SMYD1: variants seen among roughly 807,000 people sequenced by gnomAD.
SMYD1 encodes the protein histone-lysine N-methyltransferase SMYD1.
SMYD1 carries 49 observed loss-of-function variants against 54.0 expected under a neutral mutation model. That is an observed-to-expected ratio of 0.91 (90% CI 0.72 to 1.15). SMYD1 has a LOEUF of 1.15. Ranked by LOEUF, SMYD1 falls within the 50% of genes most tolerant of loss-of-function variation. SMYD1 has a pLI of 0.00. For synonymous variants in SMYD1, 269 were observed against 234.2 expected, an observed-to-expected ratio of 1.15 and a Z score of -1.36; for missense variants, 653 against 639.6, an observed-to-expected ratio of 1.02 and a Z score of -0.23.
intron 8 of SMYD1, among the ~76,000 whole-genome samples, chr2:88,108,067 A>G (rs753901711): frequency 3.5e-4 from 54 of 152,204 alleles, no homozygotes; most frequent in Non-Finnish European, 6.3e-4. Flanking sequence ...AGCTGTTCCT[A>G]TTCGGCCATC....
chr2:88,099,962 C>T (rs1047645259), intron 6 of SMYD1, among the ~76,000 whole-genome samples: 1 of 150,726 alleles, frequency 6.6e-6, no homozygotes, highest in Non-Finnish European at 1.5e-5. Context: ...CCTCTGGCTC[C>T]TCCCCCTTTC....
rs10199049 is a variant in SMYD1 at position 88,102,736 on chromosome 2, T to C, written c.889-322T>C. On this transcript the variant is annotated intron_variant, in intron 6 of 9. Coordinates refer to ENST00000419482, the MANE Select transcript of SMYD1 (RefSeq NM_198274.4). ...GCAGCAAATATTTTGGGTGATAGAA[T>C]CCAAAATGCCAGAGAAAACACAATA... is the stretch of plus-strand genomic sequence containing the variant. Among the ~76,000 whole-genome samples, 1,031 of 152,278 alleles carry C rather than the reference T, an allele frequency of 6.8e-3. 12 individuals carry two copies. The highest frequency in any genetic ancestry group is 0.023 in the African/African-American group (956 of 41,554).
In SMYD1 at chr2:88,105,741, C is replaced by G. The variant is rs866157946; in HGVS notation, c.982-584C>G. Among the ~76,000 whole-genome samples the G allele has an allele frequency of 2.0e-5, 3 of 152,064 alleles. No homozygotes were observed. In the South Asian group the frequency reaches 6.2e-4, roughly 32 times the overall value. On this transcript the variant is annotated intron_variant, in intron 7 of 9. Transcript: ENST00000419482. Reference sequence around the variant, plus strand: ...TTGCCTGAGCTCAGGAGTTGGAGACCAGCCTGGGCAACATGGAGAAACCCT... The same window carrying G: ...TTGCCTGAGCTCAGGAGTTGGAGACGAGCCTGGGCAACATGGAGAAACCCT...
chr2:88,067,859 T>C lies in SMYD1; in HGVS notation c.-6T>C. On this transcript the variant is annotated 5_prime_UTR_variant, in exon 1 of 10. Transcript: ENST00000419482. Reference sequence around the variant, plus strand: ...TAACTGCCGCGCTGGCCTGACAGTCTCTGAGATGACAATAGGGAGAATGGA... The same window carrying C: ...TAACTGCCGCGCTGGCCTGACAGTCCCTGAGATGACAATAGGGAGAATGGA... 6.2e-7 allele frequency: 1 copy of C among 1,613,236 alleles called. No homozygotes were observed. Among genetic ancestry groups the C allele is most frequent in the Non-Finnish European group, 8.5e-7 (1 of 1,179,784 alleles).
At chr2:88,071,080 G>T (rs893147189) in intron 1 of SMYD1, among the ~76,000 whole-genome samples, 1 of 149,972 alleles carries the variant, frequency 6.7e-6, no homozygotes, top group Non-Finnish European at 1.5e-5. Flanking sequence ...TATGCCACTT[G>T]TTTCTTTCAA....
Position 88,109,870 on chromosome 2 carries a change from C to T in SMYD1, c.1315-484C>T, listed in dbSNP as rs563706737. Among the ~76,000 whole-genome samples, 222 of 152,268 alleles carry T rather than the reference C, an allele frequency of 1.5e-3. 1 individual carries two copies. Among genetic ancestry groups the T allele is most frequent in the Admixed American group, 4.2e-3 (65 of 15,298 alleles). ...CAGCTGTATCCTCGGCCTCTGAATG[C>T]CTGGCCCTTAAGAAGTATTTCTTGA... On this transcript the variant is annotated intron_variant, in intron 9 of 9. Coordinates refer to ENST00000419482, the MANE Select transcript of SMYD1 (RefSeq NM_198274.4).
At chr2:88,099,419 T>A (rs563397955) in intron 6 of SMYD1, among the ~76,000 whole-genome samples, 2 of 151,882 alleles carry the variant, frequency 1.3e-5, no homozygotes, top group African/African-American at 2.4e-5. Context: ...CCTTTACCCA[T>A]GGTTTTCAAA....
chr2:88,093,239 C>T (rs1442834028), intron 4 of SMYD1, among the ~76,000 whole-genome samples: 1 of 152,210 alleles, frequency 6.6e-6, no homozygotes, highest in Admixed American at 6.5e-5. Flanking sequence ...AGTCTCATTA[C>T]AGGTGAGAAC....
chr2:88,093,933 C>A (rs1312087879), intron 5 of SMYD1, among the ~76,000 whole-genome samples: 1 of 152,158 alleles, frequency 6.6e-6, no homozygotes, highest in African/African-American at 2.4e-5. Flanking sequence ...TGTTTATAAG[C>A]CCCAACTTCT....
At chr2:88,071,780 G>C (rs1673951151) in intron 1 of SMYD1, among the ~76,000 whole-genome samples, 1 of 152,094 alleles carries the variant, frequency 6.6e-6, no homozygotes, top group Non-Finnish European at 1.5e-5. Flanking sequence ...AGATACCGGG[G>C]GTGATGCACG....
At chr2:88,081,444 T>C (rs1455060671) in intron 1 of SMYD1, among the ~76,000 whole-genome samples, 2 of 151,568 alleles carry the variant, frequency 1.3e-5, no homozygotes, top group African/African-American at 4.8e-5. Flanking sequence ...TTTTTTCTTT[T>C]TTTTTTTTTT....
intron 2 of SMYD1, among the ~76,000 whole-genome samples, chr2:88,086,833 C>CTT (rs531382481): frequency 1.2e-4 from 17 of 144,578 alleles, no homozygotes; most frequent in African/African-American, 1.8e-4. Flanking sequence ...CCATCCCTAT[C>CTT]TTTTTTTTTT....
chr2:88,073,863 T>C (rs1436929494), intron 1 of SMYD1, among the ~76,000 whole-genome samples: 2 of 152,354 alleles, frequency 1.3e-5, no homozygotes, highest in East Asian at 1.9e-4. Flanking sequence ...CATTTGTTCT[T>C]TTATGAATTG....
intron 1 of SMYD1, among the ~76,000 whole-genome samples, chr2:88,073,273 G>A (rs1030072894): frequency 6.6e-6 from 1 of 152,152 alleles, no homozygotes; most frequent in East Asian, 1.9e-4. Context: ...GTATTACAGG[G>A]TATATATGCA....
At chr2:88,090,812 A>C (rs953587954) in intron 3 of SMYD1, among the ~76,000 whole-genome samples, 200 bp from the exon 4 acceptor site, 1 of 152,234 alleles carries the variant, frequency 6.6e-6, no homozygotes, top group Non-Finnish European at 1.5e-5. Context: ...TTTTGCAGGT[A>C]TGGGACTGTT....
chr2:88,109,381 C>T (rs1258376068), intron 9 of SMYD1, among the ~76,000 whole-genome samples: 2 of 152,024 alleles, frequency 1.3e-5, no homozygotes, highest in African/African-American at 2.4e-5. Flanking sequence ...CCAGCTTCAC[C>T]GCTTTCTGGT....
chr2:88,110,646 C>G lies in SMYD1; in HGVS notation c.*134C>G, dbSNP rs1230094973. 3.3e-6 allele frequency: 4 copies of G among 1,202,608 alleles called. No individual in the cohort carries two copies. Among genetic ancestry groups the G allele is most frequent in the African/African-American group, 1.6e-5 (1 of 64,466 alleles). The allele number at this position is 1,202,608 out of a possible 1,614,324, so 74.5% of individuals were successfully genotyped here. ...CATTGTTGCTGTGAGAATTTACTGC[C>G]CTATGTTTCCCAGAGCCATTTTGGC... On this transcript the variant is annotated 3_prime_UTR_variant, in exon 10 of 10. Coordinates refer to ENST00000419482, the MANE Select transcript of SMYD1 (RefSeq NM_198274.4).
At chr2:88,089,554 T>C (rs1412860513) in intron 3 of SMYD1, among the ~76,000 whole-genome samples, 1 of 150,984 alleles carries the variant, frequency 6.6e-6, no homozygotes, top group African/African-American at 2.4e-5. Flanking sequence ...CTAGAAGCAG[T>C]CTGTATTTTC....
At chr2:88,077,397 C>T (rs1010859522) in intron 1 of SMYD1, among the ~76,000 whole-genome samples, 3 of 152,180 alleles carry the variant, frequency 2.0e-5, no homozygotes, top group Non-Finnish European at 4.4e-5. Flanking sequence ...CAGCGTCCGG[C>T]GTCAGGGACC....
Sources: gnomAD v4.1 joint callset for allele counts (sites outside exome capture counted in the v4.1 genomes callset) on GRCh38, gnomAD v4.1.1 for gene constraint, MANE v1.5 for transcripts, NCBI Gene and HGNC (gene_info 2026-07-23, HGNC 2026-07-21) for gene names.